The following ZC3H14 variants were observed in gnomAD, a reference collection of about 807,000 sequenced individuals.
The protein encoded by ZC3H14 is zinc finger CCCH domain-containing protein 14.
A neutral mutation model predicts 92.4 loss-of-function variants in ZC3H14; 31 were observed. That is an observed-to-expected ratio of 0.34 (90% confidence interval 0.25 to 0.45). ZC3H14 has a LOEUF of 0.45. ZC3H14 is among the 20% of genes least tolerant of loss of function. The probability of loss-of-function intolerance (pLI) is 1.00; values close to 1 mark genes in which losing one functional copy is unlikely to be tolerated. For synonymous variants in ZC3H14, 321 were observed against 300.9 expected, an observed-to-expected ratio of 1.07 and a Z score of -0.69; for missense variants, 781 against 897.3, an observed-to-expected ratio of 0.87 and a Z score of 1.66.
rs1357203976 is a variant in ZC3H14, at chr14:88,626,268, G to C, written c.*14517G>C. The stretch of plus-strand genomic sequence containing the variant: ...GAAGACAGAAATTTTAGGATATTTA[G>C]GGTGACAATTAGAAGATTAAGGAAG... On this transcript the variant is annotated 3_prime_UTR_variant, in exon 17 of 17. Coordinates refer to ENST00000251038, the MANE Select transcript of ZC3H14 (RefSeq NM_024824.5). 6.6e-6 allele frequency: 1 copy of C among 152,276 alleles called. No individual in the cohort carries two copies. The highest frequency in any genetic ancestry group is 1.5e-5 in the Non-Finnish European group (1 of 68,156). The allele number at this position is 152,276 out of a possible 1,614,324, so 9.4% of individuals were successfully genotyped here. A position where few individuals can be genotyped will look rare whatever the true frequency, so the allele number is the denominator to read the frequency against.
At chr14:88,603,201 A>G in intron 12 of ZC3H14, 141 bp downstream of exon 12, 1 of 834,350 alleles carries the variant, frequency 1.2e-6, no homozygotes, top group Admixed American at 2.1e-5. Flanking sequence ...TTTCAGACAA[A>G]CCCACCAAGT....
At position 88,623,047 on chromosome 14, in the gene ZC3H14, G is replaced by A. The variant is rs189697719; in HGVS notation, c.*11296G>A. ...TTTTTTTTTTTTAAGATGTAGTCTCGCTCTGTCTCCCAGGCTTGAGTGCAG... is the reference window on the plus strand; with the variant it reads ...TTTTTTTTTTTTAAGATGTAGTCTCACTCTGTCTCCCAGGCTTGAGTGCAG... On this transcript the variant is annotated 3_prime_UTR_variant, in exon 17 of 17. Coordinates refer to ENST00000251038, the MANE Select transcript of ZC3H14 (RefSeq NM_024824.5). The A allele has an allele frequency of 5.9e-4, 88 of 149,088 alleles. No homozygotes were observed. The highest frequency in any genetic ancestry group is 2.0e-3 in the African/African-American group (73 of 36,740). 9.2% of individuals were successfully genotyped at this position (149,088 alleles called of 1,614,324 possible).
At chr14:88,565,479 G>A (rs1302599301) in intron 2 of ZC3H14, among the ~76,000 whole-genome samples, 1 of 152,152 alleles carries the variant, frequency 6.6e-6, no homozygotes. Flanking sequence ...ATTTTATACT[G>A]CATAATGAAA....
chr14:88,573,153 G>A (rs1391682020), intron 6 of ZC3H14, 146 bp downstream of exon 6: 4 of 870,762 alleles, frequency 4.6e-6, no homozygotes, highest in Middle Eastern at 3.4e-4. Flanking sequence ...GGCCGAGGCG[G>A]GTGGATCACG....
In ZC3H14 at chr14:88,622,955, C is replaced by T. The variant is rs1213401733; in HGVS notation, c.*11204C>T. The T allele has an allele frequency of 2.8e-6, 1 of 362,598 alleles. No individual in the cohort carries two copies. Among genetic ancestry groups the T allele is most frequent in the Non-Finnish European group, 4.9e-6 (1 of 203,204 alleles). 22.5% of individuals were successfully genotyped at this position (362,598 alleles called of 1,614,324 possible). On this transcript the variant is annotated 3_prime_UTR_variant, in exon 17 of 17. Coordinates refer to ENST00000251038, the MANE Select transcript of ZC3H14 (RefSeq NM_024824.5). ...TTTGAGAAATACTCTTTTTTTCTGACATGAGCATAATTTTATTTAGCCTCT... is the reference window on the plus strand; with the variant it reads ...TTTGAGAAATACTCTTTTTTTCTGATATGAGCATAATTTTATTTAGCCTCT...
chr14:88,607,392 CAAGT>C (rs1475036525), intron 13 of ZC3H14, 29 bp downstream of exon 13: 2 of 1,579,314 alleles, frequency 1.3e-6, no homozygotes, highest in African/African-American at 2.8e-5. Context: ...TCTCACCCTG[CAAGT>C]GAGTACCATC....
At position 88,622,086 on chromosome 14, in the gene ZC3H14, G is replaced by A. The variant is rs1353289381; in HGVS notation, c.*10335G>A. 1.2e-5 allele frequency: 3 copies of A among 245,366 alleles called. No homozygotes were observed. The highest frequency in any genetic ancestry group is 2.2e-5 in the African/African-American group (1 of 44,890). 15.2% of individuals were successfully genotyped at this position (245,366 alleles called of 1,614,324 possible). On this transcript the variant is annotated 3_prime_UTR_variant, in exon 17 of 17. Transcript: ENST00000251038. ...ACTATTCTACTCTCCACCTCTGTGG[G>A]ATCAACTTTTTTAGTTTCTGCACAG...
intron 10 of ZC3H14, 135 bp downstream of exon 10, chr14:88,596,943 T>C: frequency 1.3e-6 from 1 of 785,866 alleles, no homozygotes; most frequent in Non-Finnish European, 2.2e-6. Context: ...GAAAATATTT[T>C]AGGGCCAGGA....
At chr14:88,593,894 CAAAAA>C (rs11339975) in intron 9 of ZC3H14, among the ~76,000 whole-genome samples, 3 of 148,632 alleles carry the variant, frequency 2.0e-5, no homozygotes, top group East Asian at 2.0e-4. Context: ...AAGATACTAT[CAAAAA>C]AAAAAAAGAC....
At position 88,588,166 on chromosome 14, in the gene ZC3H14, C is replaced by T. The variant is rs535906599; in HGVS notation, c.1280-8568C>T. Among the ~76,000 whole-genome samples the T allele has an allele frequency of 2.0e-5, 3 of 152,102 alleles. 1 individual carries two copies. The highest frequency in any genetic ancestry group is 7.2e-5 in the African/African-American group (3 of 41,494). ...TGGGTTTCCCACTTTTTCTTAGGTACCTTCCTCCTGGAGCCTCTCTCCTCC... is the reference window on the plus strand; with the variant it reads ...TGGGTTTCCCACTTTTTCTTAGGTATCTTCCTCCTGGAGCCTCTCTCCTCC... On this transcript the variant is annotated intron_variant, in intron 9 of 16. Coordinates refer to ENST00000251038, the MANE Select transcript of ZC3H14 (RefSeq NM_024824.5).
intron 5 of ZC3H14, 103 bp downstream of exon 5, chr14:88,572,328 A>C: frequency 7.4e-7 from 1 of 1,351,868 alleles, no homozygotes; most frequent in Non-Finnish European, 1.0e-6. Flanking sequence ...CAATTTTTAG[A>C]AACAATGAAG....
intron 10 of ZC3H14, among the ~76,000 whole-genome samples, chr14:88,597,460 T>C (rs1388287230): frequency 6.6e-6 from 1 of 152,234 alleles, no homozygotes; most frequent in Non-Finnish European, 1.5e-5. Context: ...CTGTTTCCCC[T>C]AAGTCTGTCT....
chr14:88,599,814 A>G (rs938212553), intron 10 of ZC3H14, among the ~76,000 whole-genome samples: 4 of 152,170 alleles, frequency 2.6e-5, no homozygotes, highest in African/African-American at 9.7e-5. Flanking sequence ...GGTGGGAAGG[A>G]GTGAAGCAGC....
chr14:88,611,619 A>C (rs2086795947), intron 16 of ZC3H14, 126 bp from the exon 17 acceptor site: 1 of 1,066,910 alleles, frequency 9.4e-7, no homozygotes, highest in African/African-American at 1.6e-5. Context: ...AAAATCTGCC[A>C]TTTATATTGT....
chr14:88,609,606 T>C, intron 14 of ZC3H14, 106 bp from the exon 15 acceptor site: 1 of 1,425,686 alleles, frequency 7.0e-7, no homozygotes, highest in Non-Finnish European at 9.8e-7. Flanking sequence ...ACCTTACCAT[T>C]CTAATTTAAA....
chr14:88,574,630 T>C, intron 6 of ZC3H14, 63 bp from the exon 7 acceptor site: 1 of 1,587,562 alleles, frequency 6.3e-7, no homozygotes, highest in Non-Finnish European at 8.6e-7. Context: ...AATGGAAACA[T>C]TTTGTGGTAG....
At chr14:88,604,485 T>C (rs1174790472) in intron 12 of ZC3H14, among the ~76,000 whole-genome samples, 1 of 152,194 alleles carries the variant, frequency 6.6e-6, no homozygotes, top group East Asian at 1.9e-4. Context: ...TTGCTTCTGG[T>C]TGGTTTTATG....
At chr14:88,609,594 A>T (rs2086197548) in intron 14 of ZC3H14, 118 bp from the exon 15 acceptor site, 10 of 1,379,958 alleles carry the variant, frequency 7.2e-6, no homozygotes, top group Non-Finnish European at 1.0e-5. Context: ...GTGAATATAT[A>T]AACCTTACCA....
At chr14:88,581,752 T>C (rs2081940263) in intron 9 of ZC3H14, among the ~76,000 whole-genome samples, 1 of 152,064 alleles carries the variant, frequency 6.6e-6, no homozygotes, top group African/African-American at 2.4e-5. Context: ...TGGCCAAAAA[T>C]GGAATTATTT....
Sources: allele counts gnomAD v4.1 joint callset (sites outside exome capture counted in the v4.1 genomes callset), GRCh38; gene constraint gnomAD v4.1.1; transcripts MANE v1.5; gene names NCBI Gene and HGNC (gene_info 2026-07-23, HGNC 2026-07-21).